The following MYO18B variants were observed in gnomAD, a reference collection of about 807,000 sequenced individuals.
MYO18B encodes the protein unconventional myosin-XVIIIb.
A neutral mutation model predicts 273.0 loss-of-function variants in MYO18B; 204 were observed. That is an observed-to-expected ratio of 0.75 (90% confidence interval 0.67 to 0.84). MYO18B has a LOEUF of 0.84. Among genes scored for constraint, MYO18B ranks in the 40% least tolerant of loss-of-function variants. MYO18B has a pLI of 0.00. For synonymous variants in MYO18B, 1,330 were observed against 1,305.7 expected, an observed-to-expected ratio of 1.02 and a Z score of -0.40; for missense variants, 3,212 against 3,287.6, an observed-to-expected ratio of 0.98 and a Z score of 0.56.
chr22:25,770,664 G>A (rs1448969287), intron 5 of MYO18B, among the ~76,000 whole-genome samples: 14 of 152,308 alleles, frequency 9.2e-5, no homozygotes, highest in Middle Eastern at 3.4e-3. Context: ...AAAAGCCTAA[G>A]GTGAGTCAGA....
intron 34 of MYO18B, among the ~76,000 whole-genome samples, chr22:25,935,065 A>C (rs764315165): frequency 6.6e-6 from 1 of 152,164 alleles, no homozygotes; most frequent in South Asian, 2.1e-4. Flanking sequence ...TGCCCTGACC[A>C]TTAATAGTGT....
At chr22:25,906,782 CAA>C (rs1237817084) in intron 31 of MYO18B, among the ~76,000 whole-genome samples, 1 of 152,054 alleles carries the variant, frequency 6.6e-6, no homozygotes, top group Non-Finnish European at 1.5e-5. Context: ...TGGTGGCTGG[CAA>C]GAGAGAGTGT....
At chr22:25,809,868 AAC>A (rs2088657915) in intron 12 of MYO18B, among the ~76,000 whole-genome samples, 1 of 152,168 alleles carries the variant, frequency 6.6e-6, no homozygotes, top group African/African-American at 2.4e-5. Flanking sequence ...CTGTTAACAT[AAC>A]ACAATGACCA....
At chr22:25,777,540 CAGTGGCTGGATGGGATGGCTG>C in intron 7 of MYO18B, 22 bp from the exon 8 acceptor site, 1 of 1,537,132 alleles carries the variant, frequency 6.5e-7, no homozygotes, top group Non-Finnish European at 8.8e-7. Context: ...GCTCCCTAGG[CAGTGGCTGGATGGGATGGCTG>C]ATACCTGTGA....
intron 7 of MYO18B, among the ~76,000 whole-genome samples, chr22:25,774,869 G>GT (rs2086856856): frequency 6.6e-6 from 1 of 152,250 alleles, no homozygotes; most frequent in Non-Finnish European, 1.5e-5. Flanking sequence ...TTGAGCATGG[G>GT]TGCGACCCCG....
At chr22:25,762,516 A>G (rs1283754969) in intron 2 of MYO18B, among the ~76,000 whole-genome samples, 1 of 152,250 alleles carries the variant, frequency 6.6e-6, no homozygotes, top group Non-Finnish European at 1.5e-5. Context: ...CGCTGTAGCC[A>G]ACAGCGGGGT....
At chr22:25,972,123 AT>A (rs1338815587) in intron 39 of MYO18B, among the ~76,000 whole-genome samples, 1 of 150,980 alleles carries the variant, frequency 6.6e-6, no homozygotes, top group Non-Finnish European at 1.5e-5. Context: ...AAAAAAAAAA[AT>A]ACATACATAT....
intron 33 of MYO18B, among the ~76,000 whole-genome samples, chr22:25,911,416 G>A (rs982643816): frequency 5.3e-5 from 8 of 152,226 alleles, no homozygotes; most frequent in Admixed American, 1.3e-4. Context: ...GTCAGCCTTG[G>A]AGCCAGGCAA....
intron 27 of MYO18B, chr22:25,894,787 G>A (rs1381803277): frequency 1.2e-5 from 2 of 163,854 alleles, no homozygotes; most frequent in East Asian, 3.4e-4. Context: ...CTCTTCCAGA[G>A]GGTGTGAAGG....
At chr22:25,887,498 C>G (rs886924337) in intron 25 of MYO18B, among the ~76,000 whole-genome samples, 5 of 152,158 alleles carry the variant, frequency 3.3e-5, no homozygotes, top group African/African-American at 1.2e-4. Flanking sequence ...AAGAATATTT[C>G]TGTTGGTTTG....
chr22:25,816,326 C>T (rs1235508009), intron 12 of MYO18B, among the ~76,000 whole-genome samples: 2 of 152,032 alleles, frequency 1.3e-5, no homozygotes, highest in Non-Finnish European at 2.9e-5. Flanking sequence ...GCATCCTGCC[C>T]GTATAACCTC....
intron 25 of MYO18B, 79 bp from the exon 26 acceptor site, chr22:25,890,677 G>T: frequency 6.4e-7 from 1 of 1,562,198 alleles, no homozygotes; most frequent in Non-Finnish European, 8.7e-7. Flanking sequence ...TTGTCCAAAG[G>T]CGATCCTGTG....
the MYO18B span, among the ~76,000 whole-genome samples, chr22:26,055,836 AG>A: frequency 3.3e-4 from 50 of 152,324 alleles, no homozygotes; most frequent in African/African-American, 6.7e-4. Flanking sequence ...ACTAAACAGC[AG>A]GCACCTAATG....
At chr22:25,902,363 A>G (rs1473602752) in intron 29 of MYO18B, among the ~76,000 whole-genome samples, 1 of 152,174 alleles carries the variant, frequency 6.6e-6, no homozygotes, top group East Asian at 1.9e-4. Context: ...TTCTGTGGCA[A>G]GTCTACCTCA....
chr22:26,003,470 G>A (rs547567022), intron 41 of MYO18B, among the ~76,000 whole-genome samples, 161 bp downstream of exon 41: 2 of 152,262 alleles, frequency 1.3e-5, no homozygotes, highest in Admixed American at 6.5e-5. Context: ...TAGGAACATC[G>A]TATTGAACTG....
Position 25,843,888 on chromosome 22 carries a change from C to G in MYO18B, c.3362C>G (p.Ser1121Ter), listed in dbSNP as rs2090158149. 1 of 1,601,168 alleles carries G rather than the reference C, an allele frequency of 6.2e-7. No homozygotes were observed. Reference protein sequence around the residue: ...ALDAPQVLHQSKREELRSLFQ... With the variant: ...ALDAPQVLHQ ...GATGCACCCCAGGTCCTGCACCAGT[C>G]AAAAAGGTGAGTTGGGTCAGGGTTG... Residue 1121 changes from serine (S) to a stop codon, truncating the protein, a stop_gained, in exon 18 of 44, where the codon TCA becomes TGA. Coordinates refer to ENST00000335473, the MANE Select transcript of MYO18B (RefSeq NM_032608.7). LOFTEE classifies it high-confidence loss of function.
chr22:25,943,218 T>C (rs1053397908), intron 34 of MYO18B, among the ~76,000 whole-genome samples: 1 of 152,168 alleles, frequency 6.6e-6, no homozygotes, highest in Admixed American at 6.5e-5. Context: ...TCTCCCTTGA[T>C]GGCCCATCTG....
chr22:25,859,535 C>A (rs1361805176), intron 21 of MYO18B, among the ~76,000 whole-genome samples: 2 of 152,082 alleles, frequency 1.3e-5, no homozygotes, highest in African/African-American at 4.8e-5. Context: ...CTTATCAATA[C>A]TTGGAATTGT....
At chr22:25,943,711 C>CTTTT (rs59256754) in intron 34 of MYO18B, among the ~76,000 whole-genome samples, 2 of 79,576 alleles carry the variant, frequency 2.5e-5, no homozygotes, top group Admixed American at 2.9e-4. Context: ...TCTTTCTTTC[C>CTTTT]TTTTTTTTTT....
Sources: gnomAD v4.1 joint callset for allele counts (sites outside exome capture counted in the v4.1 genomes callset) on GRCh38, gnomAD v4.1.1 for gene constraint, MANE v1.5 for transcripts, NCBI Gene and HGNC (gene_info 2026-07-23, HGNC 2026-07-21) for gene names.